The following SLC26A8 variants were observed in gnomAD, a reference collection of about 807,000 sequenced individuals.
SLC26A8 encodes the protein testis anion transporter 1.
In SLC26A8, 70 loss-of-function variants were observed where a neutral mutation model predicts 105.0. The ratio of observed to expected loss-of-function variants is 0.67; its 90% CI spans 0.55 to 0.81. The LOEUF is 0.81. Ranked by LOEUF, SLC26A8 falls within the 40% of genes least tolerant of loss-of-function variation. The pLI is 0.00. For missense variants in SLC26A8, 998 were observed against 1,181.8 expected (o/e 0.84, Z 2.28); for synonymous variants, 415 against 438.3 (o/e 0.95, Z 0.66).
chr6:36,003,566 G>A (rs565999759), intron 3 of SLC26A8, among the ~76,000 whole-genome samples: 7 of 152,134 alleles, frequency 4.6e-5, no homozygotes, highest in South Asian at 4.2e-4. Flanking sequence ...AAACACTTAC[G>A]TAAGTACCAC....
At chr6:35,990,061 C>T (rs1302678172) in intron 7 of SLC26A8, among the ~76,000 whole-genome samples, 5 of 149,638 alleles carry the variant, frequency 3.3e-5, no homozygotes, top group African/African-American at 1.2e-4. Context: ...CCTCAGTCTC[C>T]TGAGTAGCTG....
intron 2 of SLC26A8, among the ~76,000 whole-genome samples, chr6:36,017,888 T>C (rs1021065675): frequency 3.9e-5 from 6 of 152,126 alleles, no homozygotes; most frequent in South Asian, 2.1e-4. Flanking sequence ...CCAAAGAAGA[T>C]ATACAATTAA....
chr6:35,971,521 G>T (rs951628100), intron 10 of SLC26A8, among the ~76,000 whole-genome samples: 11 of 152,214 alleles, frequency 7.2e-5, no homozygotes, highest in Admixed American at 5.2e-4. Context: ...CCAGGCACTT[G>T]GGTCTTGGGG....
intron 3 of SLC26A8, among the ~76,000 whole-genome samples, chr6:36,010,887 G>T (rs143776028): frequency 1.3e-5 from 2 of 152,186 alleles, no homozygotes; most frequent in South Asian, 4.2e-4. Context: ...GAAAAAAAGC[G>T]CCAATTTTAC....
intron 16 of SLC26A8, among the ~76,000 whole-genome samples, chr6:35,957,677 G>A (rs1292691398): frequency 6.7e-6 from 1 of 149,798 alleles, no homozygotes; most frequent in Non-Finnish European, 1.5e-5. Context: ...CACAGATTCT[G>A]GCTCACTGAA....
intron 16 of SLC26A8, 66 bp from the exon 17 acceptor site, chr6:35,955,586 G>T: frequency 6.4e-7 from 1 of 1,561,746 alleles, no homozygotes. Flanking sequence ...GACTTGCAAC[G>T]ATGCTATTTC....
At chr6:35,990,709 A>G (rs1287799935) in intron 7 of SLC26A8, among the ~76,000 whole-genome samples, 2 of 152,210 alleles carry the variant, frequency 1.3e-5, no homozygotes, top group Non-Finnish European at 2.9e-5. Flanking sequence ...ACGGAAATTC[A>G]CCAACATTGA....
intron 7 of SLC26A8, chr6:35,989,656 T>C (rs1480015196): frequency 6.6e-6 from 1 of 152,106 alleles, no homozygotes; most frequent in Non-Finnish European, 1.5e-5. Flanking sequence ...ATGAAGTGTT[T>C]TGTGGACAAC....
At chr6:35,975,087 G>A (rs749510653) in intron 10 of SLC26A8, among the ~76,000 whole-genome samples, 27 of 151,806 alleles carry the variant, frequency 1.8e-4, no homozygotes, top group Admixed American at 6.6e-4. Context: ...TATCCTTTAG[G>A]TATGTTACAT....
Position 35,997,625 on chromosome 6 carries a change from T to A in SLC26A8, c.627+113A>T, listed in dbSNP as rs76612344. ...AGCCTCTGATTTTTCAAAAAATAAA[T>A]CACTGAAGTTCCAGGTATATCACAG... is the stretch of plus-strand genomic sequence containing the variant. On this transcript the variant is annotated intron_variant, in intron 5 of 19. Transcript: ENST00000490799. The A allele has an allele frequency of 1.4e-3, 1,537 of 1,089,612 alleles. 13 individuals carry two copies. The African/African-American group carries it at 0.022, about 16-fold the overall frequency. The allele number at this position is 1,089,612 out of a possible 1,614,324, so 67.5% of individuals were successfully genotyped here. A position where few individuals can be genotyped will look rare whatever the true frequency, so the allele number is the denominator to read the frequency against.
Position 35,992,455 on chromosome 6 carries a change from T to C in SLC26A8, c.792+55A>G, listed in dbSNP as rs1320822792. On this transcript the variant is annotated intron_variant, in intron 6 of 19. Coordinates refer to ENST00000490799, the MANE Select transcript of SLC26A8 (RefSeq NM_052961.4). Reference sequence around the variant, plus strand: ...TCTCCCTACTGAGCTCCACTTTTCTTTGGAGGCAAGAGGAGTGGCATTTGT... The same window carrying C: ...TCTCCCTACTGAGCTCCACTTTTCTCTGGAGGCAAGAGGAGTGGCATTTGT... 3 of 1,554,190 alleles carry C rather than the reference T, an allele frequency of 1.9e-6. No individual in the cohort carries two copies. The African/African-American group carries it at 4.1e-5, about 21-fold the overall frequency.
intron 1 of SLC26A8, among the ~76,000 whole-genome samples, chr6:36,021,491 G>C (rs904863367): frequency 2.6e-5 from 4 of 152,156 alleles, no homozygotes; most frequent in Non-Finnish European, 5.9e-5. Flanking sequence ...GTCACATCGA[G>C]AGTCTAGAAC....
chr6:35,973,646 C>A (rs1382608176), intron 10 of SLC26A8, among the ~76,000 whole-genome samples: 1 of 152,052 alleles, frequency 6.6e-6, no homozygotes, highest in African/African-American at 2.4e-5. Flanking sequence ...GCCAGGGAAG[C>A]CAAAAGATTG....
chr6:36,009,986 T>C (rs967947478), intron 3 of SLC26A8, among the ~76,000 whole-genome samples: 6 of 152,212 alleles, frequency 3.9e-5, no homozygotes, highest in Admixed American at 6.5e-5. Context: ...ATGAAATTCT[T>C]ATGCTTGCAG....
intron 11 of SLC26A8, among the ~76,000 whole-genome samples, chr6:35,968,607 GTGTA>G (rs1243164230): frequency 0.036 from 1,697 of 46,678 alleles, 9 homozygotes; most frequent in Non-Finnish European, 0.044. Flanking sequence ...GTGTGTGTGT[GTGTA>G]TATATATATA....
At position 35,977,314 on chromosome 6, in the gene SLC26A8, G is replaced by A. The variant is rs752320463; in HGVS notation, c.1063C>T (p.Pro355Ser). 4 of 1,614,032 alleles carry A rather than the reference G, an allele frequency of 2.5e-6. No homozygotes were observed. The South Asian group carries it at 4.4e-5, about 18-fold the overall frequency. ...GAGAAGGCTTGTAAAATTATCTTGG[G>A]AAGAAGGCTGAAATCTGGTGTTACA... ...LPVTPDFSLL[P>S]KIILQAFSLS... The change falls in exon 9 of 20, where the codon CCC (proline) becomes TCC (serine). Residue 355 changes from proline (P) to serine (S), a missense_variant. Transcript: ENST00000490799.
At position 35,957,967 on chromosome 6, in the gene SLC26A8, C is replaced by T. The variant is rs143367261; in HGVS notation, c.1863+1493G>A. Among the ~76,000 whole-genome samples the T allele has an allele frequency of 5.8e-4, 88 of 152,192 alleles. 2 individuals are homozygous for T. The highest frequency in any genetic ancestry group is 2.2e-3 in the Admixed American group (33 of 15,262). The stretch of plus-strand genomic sequence containing the variant: ...ACGTTCTTATCTTTCTTACAATCCC[C>T]TCATGTGTTATCTGCCTGACCTTAC... On this transcript the variant is annotated intron_variant, in intron 16 of 19. Coordinates refer to ENST00000490799, the MANE Select transcript of SLC26A8 (RefSeq NM_052961.4).
chr6:36,003,112 T>C (rs1431061593), intron 3 of SLC26A8, among the ~76,000 whole-genome samples: 2 of 152,224 alleles, frequency 1.3e-5, no homozygotes, highest in Non-Finnish European at 2.9e-5. Context: ...TTTGGTGTCT[T>C]ACTTAAGAAA....
chr6:36,012,549 G>T (rs966982563), intron 2 of SLC26A8, among the ~76,000 whole-genome samples, 177 bp from the exon 3 acceptor site: 1 of 151,798 alleles, frequency 6.6e-6, no homozygotes, highest in African/African-American at 2.4e-5. Context: ...TGCATTGCAG[G>T]ATGTTTAGCA....
Sources: gnomAD v4.1 joint callset for allele counts (sites outside exome capture counted in the v4.1 genomes callset) on GRCh38, gnomAD v4.1.1 for gene constraint, MANE v1.5 for transcripts, NCBI Gene and HGNC (gene_info 2026-07-23, HGNC 2026-07-21) for gene names.